CHD1: variants seen among roughly 807,000 people sequenced by gnomAD.
CHD1 encodes chromodomain helicase DNA binding protein 1, also known as ATP-dependent chromatin remodeler CHD1.
Under a neutral mutation model 224.2 loss-of-function variants are expected in CHD1, and 36 were observed. That is an observed-to-expected ratio of 0.16 (90% CI 0.12 to 0.21). The LOEUF is 0.21. Among genes scored for constraint, CHD1 ranks in the 10% least tolerant of loss-of-function variants. The probability of loss-of-function intolerance (pLI) is 1.00; values close to 1 mark genes in which losing one functional copy is unlikely to be tolerated. For synonymous variants in CHD1, 668 were observed against 658.3 expected (o/e 1.01, Z -0.23); for missense variants, 1,378 against 1,994.8 (o/e 0.69, Z 5.89).
intron 2 of CHD1, among the ~76,000 whole-genome samples, chr5:98,920,752 G>A (rs112433792): frequency 0.021 from 3,158 of 150,918 alleles, 113 homozygotes; most frequent in African/African-American, 0.074. Flanking sequence ...AGGTGAGATC[G>A]TGCCATTGCA....
intron 23 of CHD1, among the ~76,000 whole-genome samples, chr5:98,878,271 A>G (rs1580400874): frequency 6.6e-6 from 1 of 152,256 alleles, no homozygotes; most frequent in Non-Finnish European, 1.5e-5. Context: ...ACCTTTGTGG[A>G]AACAGGAAGG....
intron 15 of CHD1, among the ~76,000 whole-genome samples, chr5:98,891,445 CT>C (rs1422914211): frequency 6.6e-6 from 1 of 152,040 alleles, no homozygotes; most frequent in Non-Finnish European, 1.5e-5. Context: ...AATTTCCAAT[CT>C]GCTTCAAAAG....
rs116551521 is a variant in CHD1 at position 98,903,325 on chromosome 5, G to A, written c.373-361C>T. 5.5e-3 allele frequency among the ~76,000 whole-genome samples: 830 copies of A among 152,108 alleles called. 9 individuals are homozygous for A. Among genetic ancestry groups the A allele is most frequent in the African/African-American group, 0.019 (789 of 41,486 alleles). On this transcript the variant is annotated intron_variant, in intron 4 of 35. Coordinates refer to ENST00000614616, the MANE Select transcript of CHD1 (RefSeq NM_001270.4). ...ATTACTTTTTGTTATAATTTTTCCT[G>A]AATGTTTTTGTGCAAACATACATGT...
At position 98,926,328 on chromosome 5, in the gene CHD1, A is replaced by G. The variant is rs750298423; in HGVS notation, c.53+6T>C. The G allele has an allele frequency of 6.7e-7, 1 of 1,503,314 alleles. No homozygotes were observed. The highest frequency in any genetic ancestry group is 9.0e-7 in the Non-Finnish European group (1 of 1,114,004). 93.1% of individuals were successfully genotyped at this position (1,503,314 alleles called of 1,614,324 possible). On this transcript the variant is annotated splice_donor_region_variant and intron_variant, in intron 2 of 35. Transcript: ENST00000614616. ...GTAAACAATTGATAACAAAGTGCTTACTTACCTTGATTCTCCACTACTGTT... is the reference window on the plus strand; with the variant it reads ...GTAAACAATTGATAACAAAGTGCTTGCTTACCTTGATTCTCCACTACTGTT...
chr5:98,893,616 A>G lies in CHD1; in HGVS notation c.1801-10T>C. On this transcript the variant is annotated splice_polypyrimidine_tract_variant and intron_variant, in intron 13 of 35. Transcript: ENST00000614616. ...GACCTCCAAGGAATGCCTTAAAATA[A>G]TAGAAAAACAGTATTTTGAGAGAAA... 1 of 1,517,632 alleles carries G rather than the reference A, an allele frequency of 6.6e-7. No homozygotes were observed. Among genetic ancestry groups the G allele is most frequent in the Non-Finnish European group, 8.9e-7 (1 of 1,125,868 alleles). 94.0% of individuals were successfully genotyped at this position (1,517,632 alleles called of 1,614,324 possible). A position where few individuals can be genotyped will look rare whatever the true frequency, so the allele number is the denominator to read the frequency against.
At chr5:98,909,054 C>G (rs568688042) in intron 2 of CHD1, among the ~76,000 whole-genome samples, 2 of 152,208 alleles carry the variant, frequency 1.3e-5, no homozygotes, top group East Asian at 3.9e-4. Context: ...CAACTCATAC[C>G]AATCTTGATT....
At chr5:98,904,688 CT>C (rs968858957) in intron 3 of CHD1, among the ~76,000 whole-genome samples, 1 of 152,196 alleles carries the variant, frequency 6.6e-6, no homozygotes, top group Non-Finnish European at 1.5e-5. Context: ...GTAATTTACA[CT>C]TTGTGTTTTC....
At chr5:98,882,628 C>T (rs1443982522) in intron 19 of CHD1, among the ~76,000 whole-genome samples, 2 of 152,060 alleles carry the variant, frequency 1.3e-5, no homozygotes, top group Non-Finnish European at 2.9e-5. Flanking sequence ...TAAATTTTCC[C>T]TATTTCTCTA....
chr5:98,923,065 T>C (rs1314594727), intron 2 of CHD1, among the ~76,000 whole-genome samples: 1 of 152,218 alleles, frequency 6.6e-6, no homozygotes, highest in Non-Finnish European at 1.5e-5. Flanking sequence ...AGAAAATCCC[T>C]CTACCTCTAA....
chr5:98,902,907 G>T lies in CHD1; in HGVS notation c.430C>A (p.His144Asn). ...DSSSEVKRKK[H>N]KDEDWQMSGS... ...TTGAACAAAATGACATACTCTTTATGCTTTTTCCTTTTGACCTCACTTGAT... is the reference window on the plus strand; with the variant it reads ...TTGAACAAAATGACATACTCTTTATTCTTTTTCCTTTTGACCTCACTTGAT... Residue 144 changes from histidine (H) to asparagine (N), a missense_variant, in exon 5 of 36, where the codon CAT (histidine) becomes AAT (asparagine). Physicochemically the swap from His to Asn is moderately conservative, Grantham distance 68. Transcript: ENST00000614616. 1 of 1,592,054 alleles carries T rather than the reference G, an allele frequency of 6.3e-7. No individual in the cohort carries two copies. Among genetic ancestry groups the T allele is most frequent in the Non-Finnish European group, 8.6e-7 (1 of 1,162,878 alleles).
At chr5:98,902,275 A>T (rs1751768716) in intron 5 of CHD1, among the ~76,000 whole-genome samples, 1 of 152,130 alleles carries the variant, frequency 6.6e-6, no homozygotes, top group South Asian at 2.1e-4. Flanking sequence ...CTAATAAAAG[A>T]TACAAATCTT....
intron 24 of CHD1, among the ~76,000 whole-genome samples, chr5:98,875,862 T>C (rs2112350424): frequency 1.3e-5 from 2 of 152,310 alleles, no homozygotes; most frequent in Admixed American, 1.3e-4. Flanking sequence ...GTTATCCCAT[T>C]CCTCTTAAAT....
At chr5:98,924,254 A>T (rs1374725802) in intron 2 of CHD1, among the ~76,000 whole-genome samples, 2 of 151,900 alleles carry the variant, frequency 1.3e-5, no homozygotes, top group East Asian at 3.9e-4. Flanking sequence ...CTGTCTCAAA[A>T]GAAAAGAAAA....
chr5:98,882,217 A>T lies in CHD1; in HGVS notation c.2719-94T>A, dbSNP rs1385507049. 8 of 1,038,646 alleles carry T rather than the reference A, an allele frequency of 7.7e-6. No homozygotes were observed. The African/African-American group carries it at 1.3e-4, about 17-fold the overall frequency. The allele number at this position is 1,038,646 out of a possible 1,614,324, so 64.3% of individuals were successfully genotyped here. A position where few individuals can be genotyped will look rare whatever the true frequency, so the allele number is the denominator to read the frequency against. On this transcript the variant is annotated intron_variant, in intron 19 of 35. Transcript: ENST00000614616. ...AACACTGGCACACAAATTGAAGCTC[A>T]TTCTATATGAAGTTTTCACTGGTTA...
At position 98,920,065 on chromosome 5, in the gene CHD1, C is replaced by T. The variant is rs202209724; in HGVS notation, c.53+6269G>A. On this transcript the variant is annotated intron_variant, in intron 2 of 35. Transcript: ENST00000614616. Reference sequence around the variant, plus strand: ...AGTAACAAAAAAGTCAACTATTATACAATAGATACATAAAATACCTATTAT... The same window carrying T: ...AGTAACAAAAAAGTCAACTATTATATAATAGATACATAAAATACCTATTAT... 1.6e-4 allele frequency among the ~76,000 whole-genome samples: 25 copies of T among 152,088 alleles called. No individual in the cohort carries two copies. In the East Asian group the frequency reaches 3.3e-3, roughly 20 times the overall value.
At position 98,868,561 on chromosome 5, in the gene CHD1, C is replaced by G. The variant is rs543223597; in HGVS notation, c.4182G>C (p.Thr1394=). 1.9e-6 allele frequency: 3 copies of G among 1,612,622 alleles called. No homozygotes were observed. The South Asian group carries it at 3.3e-5, about 18-fold the overall frequency. ...AAATGGGAACTGGTTCACCACTTGC[C>G]GTGATATGAACTGGAGCATCTGACA... The part of the protein sequence containing the change: ...SSVSDAPVHI[T]ASGEPVPISE... Residue 1394 remains threonine, a synonymous_variant, in exon 31 of 36, where the codon ACG becomes ACC. Coordinates refer to ENST00000614616, the MANE Select transcript of CHD1 (RefSeq NM_001270.4).
intron 31 of CHD1, among the ~76,000 whole-genome samples, chr5:98,866,993 G>C (rs1344552415): frequency 6.6e-6 from 1 of 152,116 alleles, no homozygotes; most frequent in Non-Finnish European, 1.5e-5. Context: ...CTTTTCTGAA[G>C]ACAGCACTGA....
At position 98,890,859 on chromosome 5, in the gene CHD1, C is replaced by G. The variant is rs146170805; in HGVS notation, c.2181-1621G>C. On this transcript the variant is annotated intron_variant, in intron 15 of 35. Coordinates refer to ENST00000614616, the MANE Select transcript of CHD1 (RefSeq NM_001270.4). ...TCTACAGAATAACTGTTTTCCCCATCGTATACATTTTAACAAAAAAGAAGT... is the reference window on the plus strand; with the variant it reads ...TCTACAGAATAACTGTTTTCCCCATGGTATACATTTTAACAAAAAAGAAGT... Among the ~76,000 whole-genome samples, 99 of 152,174 alleles carry G rather than the reference C, an allele frequency of 6.5e-4. 1 individual carries two copies. The East Asian group carries it at 0.018, about 27-fold the overall frequency.
Position 98,860,073 on chromosome 5 carries a change from A to G in CHD1, c.4428-5T>C. The G allele has an allele frequency of 1.3e-6, 2 of 1,484,720 alleles. No individual in the cohort carries two copies. The highest frequency in any genetic ancestry group is 1.9e-6 in the Non-Finnish European group (2 of 1,076,450). The allele number at this position is 1,484,720 out of a possible 1,614,324, so 92.0% of individuals were successfully genotyped here. On this transcript the variant is annotated splice_region_variant and splice_polypyrimidine_tract_variant and intron_variant, in intron 32 of 35. Coordinates refer to ENST00000614616, the MANE Select transcript of CHD1 (RefSeq NM_001270.4). Reference sequence around the variant, plus strand: ...GATACAAAAATCCACAGGTTTCTAGAAGAATTTAAAAAAAGGCAAATTAAG... The same window carrying G: ...GATACAAAAATCCACAGGTTTCTAGGAGAATTTAAAAAAAGGCAAATTAAG...
Sources: allele counts gnomAD v4.1 joint callset (sites outside exome capture counted in the v4.1 genomes callset), GRCh38; gene constraint gnomAD v4.1.1; transcripts MANE v1.5; gene names NCBI Gene and HGNC (gene_info 2026-07-23, HGNC 2026-07-21).